EML1: variants seen among roughly 807,000 people sequenced by gnomAD.
EML1 encodes echinoderm microtubule-associated protein-like 1.
EML1 carries 27 observed loss-of-function variants against 110.4 expected under a neutral mutation model. The ratio of observed to expected loss-of-function variants is 0.24; its 90% confidence interval spans 0.18 to 0.34. The LOEUF (loss-of-function observed/expected upper bound fraction) is 0.34. Ranked by LOEUF, EML1 falls within the 10% of genes least tolerant of loss-of-function variation. The pLI, the probability that EML1 is intolerant of heterozygous loss-of-function variation, is 1.00. For synonymous variants in EML1, 344 were observed against 385.8 expected, an observed-to-expected ratio of 0.89 and a Z score of 1.27; for missense variants, 741 against 1,030.9, an observed-to-expected ratio of 0.72 and a Z score of 3.85.
upstream of EML1, among the ~76,000 whole-genome samples, chr14:99,792,458 CATGGGTATAAA>C (rs538355134): frequency 1.4e-3 from 210 of 152,294 alleles, no homozygotes; most frequent in African/African-American, 4.8e-3. Context: ...TACTTTACTC[CATGGGTATAAA>C]ATGCGAACCA....
At chr14:99,935,925 C>A in intron 17 of EML1, 104 bp from the exon 18 acceptor site, 1 of 1,026,644 alleles carries the variant, frequency 9.7e-7, no homozygotes. Context: ...ATTCATTAAT[C>A]TGGTGATTTT....
Position 99,737,738 on chromosome 14 carries a change from G to T in EML1, c.-95G>T, listed in dbSNP as rs1269279604. The stretch of plus-strand genomic sequence containing the variant: ...CGGGACGCTGCCTGGGGCTGGACGC[G>T]GAGGAGCCCCAAGCCCTGCTGGGTG... On this transcript the variant is annotated 5_prime_UTR_variant, in exon 1 of 11. Coordinates refer to the EML1 transcript ENST00000554479. The T allele has an allele frequency of 6.5e-6, 8 of 1,232,248 alleles. No homozygotes were observed. The East Asian group carries it at 1.7e-4, about 27-fold the overall frequency. 76.3% of individuals were successfully genotyped at this position (1,232,248 alleles called of 1,614,324 possible).
chr14:99,778,730 TG>T (rs1287293067), intron 1 of EML1, among the ~76,000 whole-genome samples: 1 of 152,222 alleles, frequency 6.6e-6, no homozygotes, highest in Non-Finnish European at 1.5e-5. Context: ...ACACATGATT[TG>T]ATGGTGTGTC....
chr14:99,823,068 G>A (rs932179167), intron 1 of EML1, among the ~76,000 whole-genome samples: 1 of 152,114 alleles, frequency 6.6e-6, no homozygotes, highest in Non-Finnish European at 1.5e-5. Flanking sequence ...ATCTCCTCCG[G>A]GAAGAAGACC....
At chr14:99,899,566 C>T (rs2059726575) in intron 8 of EML1, 1 of 152,196 alleles carries the variant, frequency 6.6e-6, no homozygotes, top group Admixed American at 6.5e-5. Flanking sequence ...ATCTGCCCAC[C>T]TCAGCCTCCC....
intron 1 of EML1, among the ~76,000 whole-genome samples, chr14:99,826,729 A>G (rs1000621902): frequency 6.6e-6 from 1 of 151,896 alleles, no homozygotes; most frequent in South Asian, 2.1e-4. Context: ...AAAAAAAAAC[A>G]AAAAAACACC....
intron 2 of EML1, among the ~76,000 whole-genome samples, chr14:99,862,899 C>G (rs2059024885): frequency 1.3e-5 from 2 of 152,196 alleles, no homozygotes; most frequent in Non-Finnish European, 1.5e-5. Flanking sequence ...TGTCAGCAGA[C>G]AGAGCTCAGA....
chr14:99,790,725 T>C (rs1285279369), upstream of EML1, among the ~76,000 whole-genome samples: 1 of 152,176 alleles, frequency 6.6e-6, no homozygotes, highest in East Asian at 1.9e-4. Flanking sequence ...CGCTTCTCCA[T>C]AGCACCTGCC....
intron 1 of EML1, among the ~76,000 whole-genome samples, chr14:99,782,090 G>T (rs1397773473): frequency 6.6e-6 from 1 of 152,176 alleles, no homozygotes; most frequent in Non-Finnish European, 1.5e-5. Context: ...CCTGTCCCCA[G>T]CCAGGGTGTC....
At chr14:99,918,802 G>A (rs1011776620) in intron 16 of EML1, among the ~76,000 whole-genome samples, 7 of 152,180 alleles carry the variant, frequency 4.6e-5, no homozygotes, top group South Asian at 2.1e-4. Flanking sequence ...GCCACACAGC[G>A]AGACCCCATC....
intron 3 of EML1, among the ~76,000 whole-genome samples, chr14:99,873,161 T>G (rs749146728): frequency 6.6e-6 from 1 of 152,198 alleles, no homozygotes; most frequent in Non-Finnish European, 1.5e-5. Context: ...AAAGAGACAA[T>G]CACTGTTCTC....
chr14:99,926,473 C>T (rs1056715455), intron 17 of EML1, among the ~76,000 whole-genome samples: 8 of 151,748 alleles, frequency 5.3e-5, no homozygotes, highest in South Asian at 2.1e-4. Flanking sequence ...TTAGTAGAGA[C>T]AGGGTTTTGC....
upstream of EML1, among the ~76,000 whole-genome samples, chr14:99,771,441 G>A (rs79636004): frequency 3.1e-4 from 47 of 152,330 alleles, no homozygotes; most frequent in African/African-American, 1.1e-3. Context: ...AGTTCATCGC[G>A]TGGATAAACC....
intron 4 of EML1, among the ~76,000 whole-genome samples, chr14:99,880,525 G>C (rs1490695486): frequency 1.3e-5 from 2 of 152,202 alleles, no homozygotes; most frequent in African/African-American, 4.8e-5. Context: ...GAAAGGAGTA[G>C]GGAGGTGGCC....
chr14:99,939,397 A>G lies in EML1; in HGVS notation c.2322+70A>G, dbSNP rs1595515674. 3 of 1,588,550 alleles carry G rather than the reference A, an allele frequency of 1.9e-6. No individual in the cohort carries two copies. Among genetic ancestry groups the G allele is most frequent in the African/African-American group, 2.7e-5 (2 of 74,436 alleles). ...GCACGTACACCCGACCTGTTTGGAGACTAAGTGGAAATGGGCTGTGAGCGA... is the reference window on the plus strand; with the variant it reads ...GCACGTACACCCGACCTGTTTGGAGGCTAAGTGGAAATGGGCTGTGAGCGA... On this transcript the variant is annotated intron_variant, in intron 21 of 21. Transcript: ENST00000262233. The surrounding 1 kb of genome is among the most constrained non-coding windows in gnomAD (Gnocchi z 4.2).
chr14:99,816,637 G>C (rs1437342334), intron 1 of EML1, among the ~76,000 whole-genome samples: 6 of 152,220 alleles, frequency 3.9e-5, no homozygotes, highest in Admixed American at 3.9e-4. Flanking sequence ...TCTTAGTTTG[G>C]TCCAACTTTG....
chr14:99,850,738 G>GT, intron 1 of EML1, 115 bp from the exon 2 acceptor site: 1 of 1,094,746 alleles, frequency 9.1e-7, no homozygotes, highest in Admixed American at 2.5e-5. Flanking sequence ...TCTGTAGTCC[G>GT]TAAGTGTTAC....
At chr14:99,763,965 G>C (rs896623077) in intron 1 of EML1, among the ~76,000 whole-genome samples, 8 of 152,166 alleles carry the variant, frequency 5.3e-5, no homozygotes, top group African/African-American at 1.9e-4. Context: ...GGCAGCTGGG[G>C]GTGTGTTGGG....
intron 17 of EML1, among the ~76,000 whole-genome samples, chr14:99,931,259 C>G (rs908762518): frequency 1.3e-5 from 2 of 152,206 alleles, no homozygotes; most frequent in African/African-American, 4.8e-5. Context: ...CCTCCCTCCC[C>G]ACCCCAGATC....
Sources: allele counts gnomAD v4.1 joint callset (sites outside exome capture counted in the v4.1 genomes callset), GRCh38; gene constraint gnomAD v4.1.1; non-coding constraint Gnocchi (gnomAD v3.1); transcripts MANE v1.5; gene names NCBI Gene and HGNC (gene_info 2026-07-23, HGNC 2026-07-21).